The following DENND1A variants were observed in gnomAD, a reference collection of about 807,000 sequenced individuals.
The protein encoded by DENND1A is DENN domain-containing protein 1A.
A neutral mutation model predicts 113.7 loss-of-function variants in DENND1A; 51 were observed. The observed-to-expected ratio is 0.45, with a 90% CI of 0.36 to 0.57. The LOEUF (loss-of-function observed/expected upper bound fraction) is 0.57, where lower values mean the gene tolerates loss of function less well. Ranked by LOEUF, DENND1A falls within the 20% of genes least tolerant of loss-of-function variation. The pLI, the probability that DENND1A is intolerant of heterozygous loss-of-function variation, is 0.00. For synonymous variants in DENND1A, 565 were observed against 570.8 expected (o/e 0.99, Z 0.14); for missense variants, 1,258 against 1,395.9 (o/e 0.90, Z 1.57).
intron 13 of DENND1A, among the ~76,000 whole-genome samples, chr9:123,544,359 C>T (rs1055466232): frequency 6.6e-6 from 1 of 152,150 alleles, no homozygotes; most frequent in Non-Finnish European, 1.5e-5. Flanking sequence ...GACATTACCC[C>T]TTGCAAAATA....
At position 123,583,288 on chromosome 9, in the gene DENND1A, T is replaced by C. The variant is rs764160498; in HGVS notation, c.766-18A>G. On this transcript the variant is annotated intron_variant, in intron 11 of 23. Coordinates refer to ENST00000394215, the MANE Select transcript of DENND1A (RefSeq NM_001352964.2). Reference sequence around the variant, plus strand: ...CTGACTTTCTGCAAGGAGAAAAAAATCCACAAGAGAAGGTCATTGAGGTGC... The same window carrying C: ...CTGACTTTCTGCAAGGAGAAAAAAACCCACAAGAGAAGGTCATTGAGGTGC... 2 of 1,599,086 alleles carry C rather than the reference T, an allele frequency of 1.3e-6. No individual in the cohort carries two copies. Among genetic ancestry groups the C allele is most frequent in the Non-Finnish European group, 1.7e-6 (2 of 1,168,818 alleles).
intron 11 of DENND1A, among the ~76,000 whole-genome samples, chr9:123,606,514 G>A (rs548038924): frequency 9.9e-5 from 15 of 152,196 alleles, no homozygotes; most frequent in South Asian, 4.2e-4. Flanking sequence ...CAAAATGTAC[G>A]CATATTTTAC....
Position 123,671,452 on chromosome 9 carries a change from T to C in DENND1A, c.373-81A>G, listed in dbSNP as rs140961996. On this transcript the variant is annotated intron_variant, in intron 6 of 23. Transcript: ENST00000394215. ...ACCTGCAGGGAGGTCTGGGCACACA[T>C]GACTGAGGGGGCTGGGGAGATGCTG... The C allele has an allele frequency of 3.1e-3, 4,218 of 1,348,998 alleles. 12 individuals carry two copies. Among genetic ancestry groups the C allele is most frequent in the Non-Finnish European group, 3.6e-3 (3,446 of 957,778 alleles). The allele number at this position is 1,348,998 out of a possible 1,614,324, so 83.6% of individuals were successfully genotyped here.
chr9:123,819,064 G>A (rs558824924), intron 2 of DENND1A, among the ~76,000 whole-genome samples: 10 of 152,204 alleles, frequency 6.6e-5, no homozygotes, highest in Non-Finnish European at 7.4e-5. Flanking sequence ...CTGGGCATGG[G>A]GTCCAGGAAG....
chr9:123,383,061 C>T (rs983884561), intron 23 of DENND1A, among the ~76,000 whole-genome samples: 2 of 152,192 alleles, frequency 1.3e-5, no homozygotes, highest in Non-Finnish European at 2.9e-5. Flanking sequence ...GCAAGCCACA[C>T]GGCCCGGGTG....
chr9:123,582,634 C>T (rs1016052509), intron 12 of DENND1A, among the ~76,000 whole-genome samples: 2 of 152,006 alleles, frequency 1.3e-5, no homozygotes, highest in Non-Finnish European at 2.9e-5. Context: ...TTCCTGACCT[C>T]ATGATCTGCC....
rs551334307 is a variant in DENND1A, at chr9:123,589,173, C to T, written c.766-5903G>A. 2.0e-5 allele frequency among the ~76,000 whole-genome samples: 3 copies of T among 152,210 alleles called. No individual in the cohort carries two copies. The East Asian group carries it at 5.8e-4, about 29-fold the overall frequency. On this transcript the variant is annotated intron_variant, in intron 11 of 23. Coordinates refer to ENST00000394215, the MANE Select transcript of DENND1A (RefSeq NM_001352964.2). ...GATCATTACTAACTGCGACAGAGTG[C>T]CCTACTACATGGAAACAAACTCAAC...
At position 123,929,937 on chromosome 9, in the gene DENND1A, C is replaced by T. The variant is rs1008776908; in HGVS notation, c.-32G>A. 2 of 333,968 alleles carry T rather than the reference C, an allele frequency of 6.0e-6. No homozygotes were observed. Among genetic ancestry groups the T allele is most frequent in the Non-Finnish European group, 1.1e-5 (2 of 181,158 alleles). 20.7% of individuals were successfully genotyped at this position (333,968 alleles called of 1,614,324 possible). Reference sequence around the variant, plus strand: ...CAGGCCTCCTCATGGGCCCGCGGGCCCCGCTCGGCGCTGCGCTGCCCGCCC... The same window carrying T: ...CAGGCCTCCTCATGGGCCCGCGGGCTCCGCTCGGCGCTGCGCTGCCCGCCC... On this transcript the variant is annotated 5_prime_UTR_variant, in exon 1 of 24. Coordinates refer to ENST00000394215, the MANE Select transcript of DENND1A (RefSeq NM_001352964.2).
chr9:123,401,376 G>T, intron 21 of DENND1A: 1 of 668,142 alleles, frequency 1.5e-6, no homozygotes, highest in Non-Finnish European at 1.9e-6. Context: ...AAGAGGCGTA[G>T]AAAAACACCC....
chr9:123,760,018 T>C (rs2070904079), intron 4 of DENND1A, among the ~76,000 whole-genome samples: 1 of 152,220 alleles, frequency 6.6e-6, no homozygotes, highest in African/African-American at 2.4e-5. Flanking sequence ...AAGGTATTTT[T>C]GGTTAAAAAA....
chr9:123,469,362 G>A (rs1257269603), intron 13 of DENND1A, among the ~76,000 whole-genome samples: 1 of 152,272 alleles, frequency 6.6e-6, no homozygotes, highest in Non-Finnish European at 1.5e-5. Flanking sequence ...GGGCAGGCAT[G>A]GCCGGGCTGC....
chr9:123,457,267 C>T (rs2048193844), intron 15 of DENND1A, 81 bp downstream of exon 15: 1 of 1,075,806 alleles, frequency 9.3e-7, no homozygotes, highest in Non-Finnish European at 1.4e-6. Context: ...AAAGGAAAAG[C>T]AAGTCACTGC....
At chr9:123,919,883 GAAAAAAAA>G in intron 1 of DENND1A, among the ~76,000 whole-genome samples, 1 of 55,406 alleles carries the variant, frequency 1.8e-5, no homozygotes, top group South Asian at 6.4e-4. Flanking sequence ...CTCTGTCTCA[GAAAAAAAA>G]AAAAAAAAAA....
chr9:123,528,819 A>C (rs944845044), intron 13 of DENND1A, among the ~76,000 whole-genome samples: 3 of 152,224 alleles, frequency 2.0e-5, no homozygotes. Context: ...TTTCAAAGAC[A>C]CACTTCATAG....
At chr9:123,601,882 G>T (rs2059948495) in intron 11 of DENND1A, among the ~76,000 whole-genome samples, 1 of 152,152 alleles carries the variant, frequency 6.6e-6, no homozygotes, top group Non-Finnish European at 1.5e-5. Flanking sequence ...GAGGAATATG[G>T]GGCCACCAGC....
chr9:123,851,536 A>G (rs1843360498), intron 2 of DENND1A, among the ~76,000 whole-genome samples: 1 of 152,204 alleles, frequency 6.6e-6, no homozygotes. Context: ...AATTCTTTGC[A>G]AGACCTCCAA....
At chr9:123,777,434 A>C (rs973001725) in intron 3 of DENND1A, among the ~76,000 whole-genome samples, 1 of 152,240 alleles carries the variant, frequency 6.6e-6, no homozygotes, top group African/African-American at 2.4e-5. Flanking sequence ...CTTTCATCCC[A>C]AAACAACTGC....
intron 4 of DENND1A, among the ~76,000 whole-genome samples, chr9:123,763,457 G>C (rs1285491788): frequency 1.3e-5 from 2 of 152,142 alleles, no homozygotes; most frequent in Non-Finnish European, 2.9e-5. Context: ...TTCCATTTGG[G>C]ATATGTTAAG....
chr9:123,454,903 A>G (rs2048001997), intron 15 of DENND1A, 124 bp from the exon 16 acceptor site: 3 of 846,848 alleles, frequency 3.5e-6, no homozygotes, highest in Non-Finnish European at 5.7e-6. Context: ...ACTGGAGTGC[A>G]GTGGTGCGAT....
Sources: gnomAD v4.1 joint callset for allele counts (sites outside exome capture counted in the v4.1 genomes callset) on GRCh38, gnomAD v4.1.1 for gene constraint, MANE v1.5 for transcripts, NCBI Gene and HGNC (gene_info 2026-07-23, HGNC 2026-07-21) for gene names.